The following MEGF10 variants were observed in gnomAD, a reference collection of about 807,000 sequenced individuals.
MEGF10 encodes multiple epidermal growth factor-like domains protein 10.
In MEGF10, 86 loss-of-function variants were observed where a neutral mutation model predicts 147.5. The ratio of observed to expected loss-of-function variants is 0.58; its 90% CI spans 0.49 to 0.70. The LOEUF (loss-of-function observed/expected upper bound fraction) is 0.70, where lower values mean the gene tolerates loss of function less well. MEGF10 is among the 30% of genes least tolerant of loss of function. MEGF10 has a pLI of 0.00. For synonymous variants in MEGF10, 478 were observed against 525.5 expected, an observed-to-expected ratio of 0.91 and a Z score of 1.24; for missense variants, 1,329 against 1,487.3, an observed-to-expected ratio of 0.89 and a Z score of 1.75.
the MEGF10 span, among the ~76,000 whole-genome samples, chr5:127,285,553 A>G: frequency 9.5e-3 from 1,450 of 152,202 alleles, 11 homozygotes; most frequent in Non-Finnish European, 0.014. Flanking sequence ...AGTAAAAATT[A>G]GTAAGGAAAT....
upstream of MEGF10, among the ~76,000 whole-genome samples, chr5:127,288,961 G>C (rs1161533093): frequency 6.6e-6 from 1 of 152,180 alleles, no homozygotes; most frequent in Non-Finnish European, 1.5e-5. Flanking sequence ...TGGAGTGAAG[G>C]AAGTCAGACA....
chr5:127,301,581 T>C (rs754691479), intron 1 of MEGF10, among the ~76,000 whole-genome samples: 2 of 152,204 alleles, frequency 1.3e-5, no homozygotes, highest in African/African-American at 4.8e-5. Flanking sequence ...GTTCTGGGTC[T>C]ATTGCTGACC....
At chr5:127,394,094 T>C (rs577879572) in intron 5 of MEGF10, among the ~76,000 whole-genome samples, 1 of 152,330 alleles carries the variant, frequency 6.6e-6, no homozygotes, top group South Asian at 2.1e-4. Flanking sequence ...TGTTTTGACA[T>C]GATCTTGTTG....
At chr5:127,369,478 T>C (rs1561599375) in intron 4 of MEGF10, among the ~76,000 whole-genome samples, 2 of 152,174 alleles carry the variant, frequency 1.3e-5, no homozygotes, top group Non-Finnish European at 2.9e-5. Context: ...GAATGTATTA[T>C]GTAAAAAAAA....
chr5:127,395,536 C>CTTT (rs35926205), intron 5 of MEGF10, among the ~76,000 whole-genome samples: 7 of 65,574 alleles, frequency 1.1e-4, no homozygotes, highest in African/African-American at 3.7e-4. Context: ...TGACTGATAT[C>CTTT]TTTTTTTTTT....
At chr5:127,364,349 A>T (rs956326357) in intron 4 of MEGF10, among the ~76,000 whole-genome samples, 1 of 152,220 alleles carries the variant, frequency 6.6e-6, no homozygotes, top group African/African-American at 2.4e-5. Flanking sequence ...GGACATTTCA[A>T]ATAAATTGAG....
At chr5:127,342,813 A>AC (rs1199853828) in intron 4 of MEGF10, among the ~76,000 whole-genome samples, 1 of 151,864 alleles carries the variant, frequency 6.6e-6, no homozygotes, top group Non-Finnish European at 1.5e-5. Context: ...CCTCTTGCTG[A>AC]CCAACTGCCC....
At chr5:127,332,872 C>T (rs1458641171) in intron 2 of MEGF10, among the ~76,000 whole-genome samples, 1 of 151,956 alleles carries the variant, frequency 6.6e-6, no homozygotes, top group African/African-American at 2.4e-5. Flanking sequence ...AGTTGAACTT[C>T]TTGGAGGGAT....
At position 127,457,114 on chromosome 5, in the gene MEGF10, CT is replaced by C. The variant is rs1766388988; in HGVS notation, c.3233-12del. ...TCCTTTGCTGATAAATTAATATGTCCTTGGTTATCACAGAACCTACAGTGAG... is the reference window on the plus strand; with the variant it reads ...TCCTTTGCTGATAAATTAATATGTCCTGGTTATCACAGAACCTACAGTGAG... On this transcript the variant is annotated splice_polypyrimidine_tract_variant and intron_variant, in intron 24 of 24. Coordinates refer to ENST00000503335, the MANE Select transcript of MEGF10 (RefSeq NM_001256545.2). 1.3e-6 allele frequency: 2 copies of C among 1,586,872 alleles called. No individual in the cohort carries two copies.
At chr5:127,434,957 C>A in intron 15 of MEGF10, 136 bp downstream of exon 15, 1 of 1,230,104 alleles carries the variant, frequency 8.1e-7, no homozygotes, top group South Asian at 1.8e-5. Flanking sequence ...TGTGCTGTGT[C>A]TGCAGCTTCT....
rs144890657 is a variant in MEGF10, at chr5:127,306,264, T to C, written c.-19+15208T>C. Among the ~76,000 whole-genome samples, 681 of 152,288 alleles carry C rather than the reference T, an allele frequency of 4.5e-3. 1 individual carries two copies. Among genetic ancestry groups the C allele is most frequent in the African/African-American group, 0.016 (647 of 41,554 alleles). ...CATGGGTTAGTGGCTGACTGTGCCC[T>C]CTCTGTTTCCTTTAATGGTGAATAT... On this transcript the variant is annotated intron_variant, in intron 1 of 24. Coordinates refer to ENST00000503335, the MANE Select transcript of MEGF10 (RefSeq NM_001256545.2).
the MEGF10 span, among the ~76,000 whole-genome samples, chr5:127,241,952 G>A: frequency 1.3e-5 from 2 of 151,964 alleles, no homozygotes; most frequent in African/African-American, 4.8e-5. Context: ...GCCAGAGAGT[G>A]GATTTTAGAA....
At chr5:127,390,862 C>T (rs1763625057) in intron 5 of MEGF10, among the ~76,000 whole-genome samples, 1 of 151,974 alleles carries the variant, frequency 6.6e-6, no homozygotes, top group South Asian at 2.1e-4. Flanking sequence ...GTGCTTCACC[C>T]CTTGCTACCT....
chr5:127,319,043 C>T (rs1308452708), intron 1 of MEGF10, among the ~76,000 whole-genome samples: 1 of 140,806 alleles, frequency 7.1e-6, no homozygotes, highest in Non-Finnish European at 1.6e-5. Context: ...CTCCCTCCCT[C>T]CCTTCCTCCC....
At chr5:127,242,721 T>C in the MEGF10 span, among the ~76,000 whole-genome samples, 1 of 152,156 alleles carries the variant, frequency 6.6e-6, no homozygotes, top group Non-Finnish European at 1.5e-5. Flanking sequence ...ACGTTTGAAA[T>C]GGAACTGAAA....
chr5:127,254,726 G>A, the MEGF10 span, among the ~76,000 whole-genome samples: 1 of 151,576 alleles, frequency 6.6e-6, no homozygotes, highest in South Asian at 2.1e-4. Context: ...CAGGAGAATT[G>A]CTTGAACCCA....
upstream of MEGF10, among the ~76,000 whole-genome samples, chr5:127,288,916 C>G (rs547382339): frequency 6.6e-6 from 1 of 152,284 alleles, no homozygotes; most frequent in East Asian, 1.9e-4. Context: ...ACTTCAGATA[C>G]AGGCACAACA....
intron 2 of MEGF10, 140 bp from the exon 3 acceptor site, chr5:127,338,980 A>G (rs1201922177): frequency 2.2e-6 from 1 of 448,268 alleles, no homozygotes; most frequent in Non-Finnish European, 3.9e-6. Flanking sequence ...AAAAACCCAT[A>G]AAAACATGGA....
At chr5:127,322,485 G>C (rs1400588587) in intron 1 of MEGF10, among the ~76,000 whole-genome samples, 1 of 152,098 alleles carries the variant, frequency 6.6e-6, no homozygotes, top group Non-Finnish European at 1.5e-5. Context: ...CCATTCACTG[G>C]TTGTAAGTGC....
Sources: gnomAD v4.1 joint callset for allele counts (sites outside exome capture counted in the v4.1 genomes callset) on GRCh38, gnomAD v4.1.1 for gene constraint, MANE v1.5 for transcripts, NCBI Gene and HGNC (gene_info 2026-07-23, HGNC 2026-07-21) for gene names.